The following DSE variants were observed in gnomAD, a reference collection of about 807,000 sequenced individuals.
The protein encoded by DSE is dermatan sulfate epimerase, also known as dermatan-sulfate epimerase.
DSE carries 36 observed loss-of-function variants against 84.4 expected under a neutral mutation model. The observed-to-expected ratio is 0.43, with a 90% confidence interval of 0.33 to 0.56. The LOEUF (loss-of-function observed/expected upper bound fraction) is 0.56. Among genes scored for constraint, DSE ranks in the 20% least tolerant of loss-of-function variants. The pLI is 0.06. For missense variants in DSE, 862 were observed against 1,169.6 expected (o/e 0.74, Z 3.84); for synonymous variants, 410 against 430.1 (o/e 0.95, Z 0.58).
At chr6:116,388,544 T>C (rs1164036640) in intron 1 of DSE, among the ~76,000 whole-genome samples, 2 of 152,226 alleles carry the variant, frequency 1.3e-5, no homozygotes, top group Non-Finnish European at 2.9e-5. Flanking sequence ...GAATTGGTGA[T>C]ACAGAATTAA....
chr6:116,350,538 T>C (rs116870788), intron 2 of DSE, among the ~76,000 whole-genome samples: 1,858 of 152,260 alleles, frequency 0.012, 15 homozygotes, highest in Non-Finnish European at 0.019. Flanking sequence ...GAAAAGGTAT[T>C]AAACAGGACC....
At chr6:116,281,051 G>T (rs1271626561) in intron 2 of DSE, among the ~76,000 whole-genome samples, 1 of 152,188 alleles carries the variant, frequency 6.6e-6, no homozygotes, top group Non-Finnish European at 1.5e-5. Context: ...GATGATTCTG[G>T]ATTATACAGG....
At chr6:116,420,247 G>A (rs982378134) in intron 2 of DSE, among the ~76,000 whole-genome samples, 2 of 152,108 alleles carry the variant, frequency 1.3e-5, no homozygotes, top group Non-Finnish European at 2.9e-5. Context: ...ATAGACAGTT[G>A]CTATGAACTG....
intron 2 of DSE, among the ~76,000 whole-genome samples, chr6:116,281,973 A>T (rs1392001022): frequency 6.6e-6 from 1 of 152,252 alleles, no homozygotes; most frequent in African/African-American, 2.4e-5. Context: ...AGAGAAAACA[A>T]TTTTATTTTA....
At chr6:116,283,130 CA>C (rs968302745) in intron 2 of DSE, among the ~76,000 whole-genome samples, 3 of 152,114 alleles carry the variant, frequency 2.0e-5, no homozygotes, top group African/African-American at 7.2e-5. Context: ...TAAGACTTAC[CA>C]AAAACCTGTC....
chr6:116,266,818 TC>T (rs2114607609), intron 2 of DSE, among the ~76,000 whole-genome samples: 1 of 152,334 alleles, frequency 6.6e-6, no homozygotes, highest in African/African-American at 2.4e-5. Flanking sequence ...ATGAAATAAA[TC>T]CTTGTAAAAA....
Position 116,399,356 on chromosome 6 carries a change from A to C in DSE, c.106A>C (p.Thr36Pro). The C allele has an allele frequency of 6.2e-7, 1 of 1,614,034 alleles. No homozygotes were observed. The highest frequency in any genetic ancestry group is 8.5e-7 in the Non-Finnish European group (1 of 1,180,026). The change falls in exon 2 of 6, where the codon ACC (threonine) becomes CCC (proline). Residue 36 changes from threonine to proline, a missense_variant. Transcript: ENST00000644252. ...DENPEVMIPF[T>P]NANYDSHPML... ...GAACCCAGAAGTTATGATTCCCTTC[A>C]CCAATGCCAACTACGACAGCCATCC...
At chr6:116,343,657 A>G (rs764369576) in intron 2 of DSE, among the ~76,000 whole-genome samples, 31 of 152,244 alleles carry the variant, frequency 2.0e-4, no homozygotes, top group Non-Finnish European at 4.4e-4. Flanking sequence ...CCAAGGGTAG[A>G]TAAAACCACA....
At chr6:116,403,205 G>A (rs1312943263) in intron 2 of DSE, among the ~76,000 whole-genome samples, 1 of 152,082 alleles carries the variant, frequency 6.6e-6, no homozygotes, top group Non-Finnish European at 1.5e-5. Flanking sequence ...TATCTCAGAA[G>A]CTCTCCCCCG....
chr6:116,267,990 G>A (rs929787528), intron 2 of DSE, among the ~76,000 whole-genome samples: 2 of 152,140 alleles, frequency 1.3e-5, no homozygotes, highest in Non-Finnish European at 2.9e-5. Context: ...CCTCTGACAT[G>A]TAAGGATTAC....
chr6:116,344,471 G>C, intron 2 of DSE, among the ~76,000 whole-genome samples: 1 of 152,178 alleles, frequency 6.6e-6, no homozygotes, highest in East Asian at 1.9e-4. Context: ...GACAGTGGGG[G>C]CCAATATTCA....
chr6:116,337,201 C>G (rs1352604675), intron 2 of DSE, among the ~76,000 whole-genome samples: 1 of 152,216 alleles, frequency 6.6e-6, no homozygotes, highest in Admixed American at 6.5e-5. Context: ...AGAACCCTGG[C>G]TCCTCACTGC....
intron 2 of DSE, among the ~76,000 whole-genome samples, chr6:116,423,810 A>C (rs1231207952): frequency 2.6e-5 from 4 of 152,218 alleles, no homozygotes; most frequent in East Asian, 3.8e-4. Flanking sequence ...ATAACTTTTT[A>C]GAAATACAGC....
chr6:116,435,000 G>C (rs928108795), intron 5 of DSE, among the ~76,000 whole-genome samples: 2 of 152,158 alleles, frequency 1.3e-5, no homozygotes, highest in Admixed American at 1.3e-4. Context: ...CTCAATATAA[G>C]ACAGTTTGCT....
At chr6:116,407,791 C>G (rs66703149) in intron 2 of DSE, among the ~76,000 whole-genome samples, 2 of 152,172 alleles carry the variant, frequency 1.3e-5, no homozygotes, top group East Asian at 3.9e-4. Context: ...TCTATTTTCA[C>G]CCATCCAGAG....
rs1783963911 is a variant in DSE, at chr6:116,433,385, G to C, written c.953G>C (p.Trp318Ser). 1 of 1,551,458 alleles carries C rather than the reference G, an allele frequency of 6.4e-7. No individual in the cohort carries two copies. Among genetic ancestry groups the C allele is most frequent in the Non-Finnish European group, 8.7e-7 (1 of 1,146,968 alleles). ...TVAIADSNYN[W>S]FYGPESQLVF... ...GCTATTGCGGACTCAAATTACAACT[G>C]GTTTTATGGTCCAGAAAGCCAATTA... Residue 318 changes from tryptophan to serine, a missense_variant, in exon 5 of 6, where the codon TGG becomes TCG. By Grantham distance (177) the Trp-to-Ser change is radical. Transcript: ENST00000644252.
intron 2 of DSE, among the ~76,000 whole-genome samples, chr6:116,273,812 T>C (rs913211960): frequency 2.0e-5 from 3 of 149,368 alleles, no homozygotes; most frequent in Non-Finnish European, 4.4e-5. Flanking sequence ...AGACCACTAA[T>C]TTTCAAAAAG....
rs748417663 is a variant in DSE at position 116,443,965 on chromosome 6, T to C, written c.*6620T>C. The C allele has an allele frequency of 2.6e-5, 4 of 152,242 alleles. No homozygotes were observed. Among genetic ancestry groups the C allele is most frequent in the Non-Finnish European group, 5.9e-5 (4 of 68,040 alleles). The allele number at this position is 152,242 out of a possible 1,614,324, so 9.4% of individuals were successfully genotyped here. A position where few individuals can be genotyped will look rare whatever the true frequency, so the allele number is the denominator to read the frequency against. On this transcript the variant is annotated 3_prime_UTR_variant, in exon 6 of 6. Coordinates refer to ENST00000644252, the MANE Select transcript of DSE (RefSeq NM_013352.4). The stretch of plus-strand genomic sequence containing the variant: ...CAGTCTCTGCTGTTTACCATTTTTG[T>C]CCAGGATCAGAGACCTCCAGTAAAA...
intron 2 of DSE, among the ~76,000 whole-genome samples, chr6:116,292,370 A>G (rs185185386): frequency 6.4e-4 from 97 of 152,248 alleles, no homozygotes; most frequent in African/African-American, 2.1e-3. Context: ...TGAGATGAAG[A>G]CTGGGAAGAA....
Sources: allele counts gnomAD v4.1 joint callset (sites outside exome capture counted in the v4.1 genomes callset), GRCh38; gene constraint gnomAD v4.1.1; transcripts MANE v1.5; gene names NCBI Gene and HGNC (gene_info 2026-07-23, HGNC 2026-07-21).